The following ATRN variants were observed in gnomAD, a reference collection of about 807,000 sequenced individuals.
ATRN encodes attractin-2.
Under a neutral mutation model 178.7 loss-of-function variants are expected in ATRN, and 54 were observed. The ratio of observed to expected loss-of-function variants is 0.30; its 90% CI spans 0.24 to 0.38. The LOEUF (loss-of-function observed/expected upper bound fraction) is 0.38, where lower values mean the gene tolerates loss of function less well. Among genes scored for constraint, ATRN ranks in the 10% least tolerant of loss-of-function variants. The probability of loss-of-function intolerance (pLI) is 1.00; values close to 1 mark genes in which losing one functional copy is unlikely to be tolerated. For missense variants in ATRN, 1,443 were observed against 1,815.1 expected (o/e 0.79, Z 3.73); for synonymous variants, 636 against 663.0 (o/e 0.96, Z 0.63).
chr20:3,502,385 A>G (rs2146110416), intron 1 of ATRN, among the ~76,000 whole-genome samples: 1 of 152,282 alleles, frequency 6.6e-6, no homozygotes, highest in Non-Finnish European at 1.5e-5. Flanking sequence ...TTATAAGAAG[A>G]AAGTGAACTG....
intron 1 of ATRN, among the ~76,000 whole-genome samples, chr20:3,471,912 C>T (rs2084433440): frequency 1.3e-5 from 2 of 152,192 alleles, no homozygotes; most frequent in Non-Finnish European, 2.9e-5. Context: ...CCACATGTGC[C>T]CTAGGACCCG....
chr20:3,492,054 A>C (rs1034604694), intron 1 of ATRN, among the ~76,000 whole-genome samples: 1 of 152,174 alleles, frequency 6.6e-6, no homozygotes, highest in African/African-American at 2.4e-5. Context: ...CTGATAGCCA[A>C]CAGGTTGAAT....
intron 14 of ATRN, among the ~76,000 whole-genome samples, chr20:3,577,550 C>T (rs556948649): frequency 4.6e-5 from 7 of 152,248 alleles, no homozygotes; most frequent in Non-Finnish European, 8.8e-5. Flanking sequence ...ATATTTGGAC[C>T]AGGGTGGTCC....
intron 1 of ATRN, among the ~76,000 whole-genome samples, chr20:3,493,125 TG>T (rs1555807977): frequency 8.1e-4 from 1 of 1,240 alleles, no homozygotes; most frequent in Non-Finnish European, 6.0e-3. Flanking sequence ...CGTTTGTTTG[TG>T]TGTGTGTGTG....
chr20:3,547,316 G>T lies in ATRN; in HGVS notation c.770G>T (p.Arg257Leu). ...ATGTGTCCAAATAACTGCTCAGGCC[G>T]AGGAGAGTGTAAGATCAGTAATAGC... is the stretch of plus-strand genomic sequence containing the variant. Reference protein sequence around the residue: ...FDMCPNNCSGRGECKISNSSD... With the variant: ...FDMCPNNCSGLGECKISNSSD... Residue 257 changes from arginine (R) to leucine (L), a missense_variant, in exon 5 of 29, where the codon CGA (arginine) becomes CTA (leucine). Arg to Leu is a moderately radical substitution (Grantham distance 102, BLOSUM62 -2). Around this residue, in one of 4 missense-constraint regions of ATRN, gnomAD observed 862 missense variants for 972.1 expected, o/e 0.89. Coordinates refer to ENST00000262919, the MANE Select transcript of ATRN (RefSeq NM_139321.3). 1.2e-6 allele frequency: 2 copies of T among 1,614,084 alleles called. No individual in the cohort carries two copies. The highest frequency in any genetic ancestry group is 1.7e-6 in the Non-Finnish European group (2 of 1,179,946).
intron 1 of ATRN, among the ~76,000 whole-genome samples, chr20:3,480,141 C>T (rs1207460117): frequency 6.6e-6 from 1 of 152,118 alleles, no homozygotes; most frequent in African/African-American, 2.4e-5. Flanking sequence ...TCTTTTTGTC[C>T]CTTCCCAACA....
chr20:3,604,120 G>C lies in ATRN; in HGVS notation c.3659G>C (p.Gly1220Ala), dbSNP rs2086648008. Residue 1220 changes from glycine (G) to alanine (A), a missense_variant, in exon 24 of 29, where the codon GGA becomes GCA. Gly to Ala is a moderately conservative substitution (Grantham distance 60). Transcript: ENST00000262919. Reference protein sequence around the residue: ...AASFSAGTQAGEEMPVVSKTN... With the variant: ...AASFSAGTQAAEEMPVVSKTN... ...CTTTTAACAGCTGGAACCCAGGCTG[G>C]AGAAGAGATGCCTGTTGTTTCAAAA... 6.3e-7 allele frequency: 1 copy of C among 1,589,696 alleles called. No individual in the cohort carries two copies. The highest frequency in any genetic ancestry group is 8.5e-7 in the Non-Finnish European group (1 of 1,172,964).
chr20:3,581,048 C>G (rs532591807), intron 15 of ATRN, among the ~76,000 whole-genome samples: 1 of 152,078 alleles, frequency 6.6e-6, no homozygotes, highest in Non-Finnish European at 1.5e-5. Flanking sequence ...TCAAGACTAG[C>G]CTGGGCAACA....
intron 24 of ATRN, among the ~76,000 whole-genome samples, chr20:3,612,613 T>C (rs2086781965): frequency 6.6e-6 from 1 of 152,176 alleles, no homozygotes; most frequent in South Asian, 2.1e-4. Flanking sequence ...GTCAGTATAA[T>C]TTCAGTTTGG....
intron 1 of ATRN, among the ~76,000 whole-genome samples, chr20:3,521,528 T>G (rs935676430): frequency 1.3e-5 from 2 of 152,226 alleles, no homozygotes; most frequent in African/African-American, 4.8e-5. Flanking sequence ...ATGGGAAATG[T>G]GCAAATCCAC....
chr20:3,516,067 A>C (rs1421856261), intron 1 of ATRN, among the ~76,000 whole-genome samples: 1 of 152,224 alleles, frequency 6.6e-6, no homozygotes, highest in Non-Finnish European at 1.5e-5. Context: ...TGCTGTTGTG[A>C]AGTTTACATT....
At chr20:3,576,286 G>A (rs2086207685) in intron 13 of ATRN, among the ~76,000 whole-genome samples, 1 of 152,190 alleles carries the variant, frequency 6.6e-6, no homozygotes, top group Admixed American at 6.5e-5. Flanking sequence ...TTGAGAGTGA[G>A]TCAGGTGTAC....
chr20:3,486,664 G>C (rs1228151106), intron 1 of ATRN, among the ~76,000 whole-genome samples: 1 of 152,106 alleles, frequency 6.6e-6, no homozygotes, highest in Middle Eastern at 3.2e-3. Flanking sequence ...TTACAGGTGT[G>C]AGCCACCACA....
chr20:3,642,799 AG>A (rs889568258), intron 27 of ATRN, among the ~76,000 whole-genome samples: 6 of 152,174 alleles, frequency 3.9e-5, no homozygotes, highest in African/African-American at 1.2e-4. Flanking sequence ...ACACTACTCT[AG>A]GTACTGCTAG....
intron 1 of ATRN, among the ~76,000 whole-genome samples, chr20:3,534,889 T>G (rs1372652965): frequency 6.6e-6 from 1 of 152,058 alleles, no homozygotes; most frequent in Admixed American, 6.6e-5. Flanking sequence ...GGAGGATCTT[T>G]TGAGGCCAGG....
chr20:3,549,256 C>G lies in ATRN; in HGVS notation c.1030C>G (p.His344Asp). ...TAACTTAAAGCTCCCCAGAGCATCT[C>G]ATAAAGCTGTGGTCAATGGAAACAT... ...YSNLKLPRAS[H>D]KAVVNGNIMW... Residue 344 changes from histidine to aspartate, a missense_variant, in exon 6 of 29, where the codon CAT becomes GAT. Coordinates refer to ENST00000262919, the MANE Select transcript of ATRN (RefSeq NM_139321.3). 6.2e-7 allele frequency: 1 copy of G among 1,610,838 alleles called. No individual in the cohort carries two copies. Among genetic ancestry groups the G allele is most frequent in the Non-Finnish European group, 8.5e-7 (1 of 1,178,566 alleles).
chr20:3,509,023 A>C (rs2085085446), intron 1 of ATRN, among the ~76,000 whole-genome samples: 1 of 152,182 alleles, frequency 6.6e-6, no homozygotes, highest in South Asian at 2.1e-4. Context: ...GTTTATAAAG[A>C]AAAAAATGGA....
In ATRN at chr20:3,539,659, C is replaced by G. The variant is rs564517880; in HGVS notation, c.495-563C>G. On this transcript the variant is annotated intron_variant, in intron 2 of 28. Coordinates refer to ENST00000262919, the MANE Select transcript of ATRN (RefSeq NM_139321.3). ...CTAAGTGCCATTTGCAGTTGGAGAG[C>G]AGAGACCATTGCTGGAACCAGTCTA... Among the ~76,000 whole-genome samples, 261 of 151,964 alleles carry G rather than the reference C, an allele frequency of 1.7e-3. 1 individual carries two copies. Among genetic ancestry groups the G allele is most frequent in the African/African-American group, 6.1e-3 (251 of 41,448 alleles).
At chr20:3,496,172 G>A (rs1413115413) in intron 1 of ATRN, among the ~76,000 whole-genome samples, 2 of 151,430 alleles carry the variant, frequency 1.3e-5, no homozygotes, top group African/African-American at 4.9e-5. Flanking sequence ...TCTGATTTTA[G>A]TTATTTCTTG....
Sources: allele counts gnomAD v4.1 joint callset (sites outside exome capture counted in the v4.1 genomes callset), GRCh38; gene constraint gnomAD v4.1.1; regional missense constraint gnomAD v4.1.1; transcripts MANE v1.5; gene names NCBI Gene and HGNC (gene_info 2026-07-23, HGNC 2026-07-21).